SLC8A1: variants seen among roughly 807,000 people sequenced by gnomAD.
SLC8A1 encodes solute carrier family 8 member A1, also known as sodium/calcium exchanger 1.
A neutral mutation model predicts 68.3 loss-of-function variants in SLC8A1; 18 were observed. That is an observed-to-expected ratio of 0.26 (90% CI 0.18 to 0.39). The LOEUF (loss-of-function observed/expected upper bound fraction) is 0.39. SLC8A1 is among the 10% of genes least tolerant of loss of function. The probability of loss-of-function intolerance (pLI) is 1.00; values close to 1 mark genes in which losing one functional copy is unlikely to be tolerated. For missense variants in SLC8A1, 985 were observed against 1,156.7 expected, an observed-to-expected ratio of 0.85 and a Z score of 2.15; for synonymous variants, 475 against 415.5, an observed-to-expected ratio of 1.14 and a Z score of -1.74.
chr2:40,273,864 C>G (rs2066357351), intron 2 of SLC8A1, among the ~76,000 whole-genome samples: 1 of 136,700 alleles, frequency 7.3e-6, no homozygotes, highest in Non-Finnish European at 1.6e-5. Flanking sequence ...ATGCCAAGTC[C>G]TTTTTTTTTT....
intron 2 of SLC8A1, among the ~76,000 whole-genome samples, chr2:40,269,567 C>T (rs906549806): frequency 6.6e-6 from 1 of 152,090 alleles, no homozygotes; most frequent in South Asian, 2.1e-4. Context: ...CTGAAGATTA[C>T]ATAGGATGGA....
intron 2 of SLC8A1, among the ~76,000 whole-genome samples, chr2:40,326,932 T>C (rs2075891690): frequency 6.6e-6 from 1 of 152,144 alleles, no homozygotes; most frequent in South Asian, 2.1e-4. Flanking sequence ...TTAGTAGAAA[T>C]TGCTAATGGT....
intron 1 of SLC8A1, among the ~76,000 whole-genome samples, chr2:40,471,748 C>T (rs1431607385): frequency 6.6e-6 from 1 of 152,116 alleles, no homozygotes; most frequent in Non-Finnish European, 1.5e-5. Flanking sequence ...TAAATGGAAA[C>T]AAATTTTTTG....
chr2:40,212,281 A>ATGTTTGT (rs371395367), intron 2 of SLC8A1, among the ~76,000 whole-genome samples: 1 of 118,212 alleles, frequency 8.5e-6, no homozygotes, highest in Non-Finnish European at 1.8e-5. Flanking sequence ...GAGATGCAAT[A>ATGTTTGT]TCTTTTTTTT....
chr2:40,289,906 GA>G (rs951484613), intron 2 of SLC8A1, among the ~76,000 whole-genome samples: 34 of 151,302 alleles, frequency 2.2e-4, no homozygotes, highest in African/African-American at 6.4e-4. Flanking sequence ...AAATAAGGAG[GA>G]AAAAATGATG....
chr2:40,239,265 C>G (rs2060878980), intron 2 of SLC8A1, among the ~76,000 whole-genome samples: 1 of 152,008 alleles, frequency 6.6e-6, no homozygotes. Flanking sequence ...TTAATATTGC[C>G]CAATCACTAC....
chr2:40,242,715 T>C (rs2061379590), intron 2 of SLC8A1, among the ~76,000 whole-genome samples: 1 of 152,202 alleles, frequency 6.6e-6, no homozygotes, highest in African/African-American at 2.4e-5. Flanking sequence ...TTTTAAAATA[T>C]GGTATCTATA....
chr2:40,505,213 G>A (rs2149940785), intron 1 of SLC8A1, among the ~76,000 whole-genome samples: 1 of 152,006 alleles, frequency 6.6e-6, no homozygotes, highest in East Asian at 1.9e-4. Flanking sequence ...GTAGTTAGGG[G>A]ATGTGGGGAA....
At chr2:40,498,224 A>G (rs1705836492) in intron 1 of SLC8A1, among the ~76,000 whole-genome samples, 1 of 152,120 alleles carries the variant, frequency 6.6e-6, no homozygotes, top group Non-Finnish European at 1.5e-5. Context: ...ACAGTTGCAT[A>G]TATTGGTTGG....
chr2:40,235,288 G>A lies in SLC8A1; in HGVS notation c.1809-57433C>T, dbSNP rs74385059. On this transcript the variant is annotated intron_variant, in intron 2 of 7. Transcript: ENST00000406785. ...GCCACAATTTCAGATCCTGTTGTTG[G>A]TCTATTCAGAGATTCAACTTCTTCC... Among the ~76,000 whole-genome samples the A allele has an allele frequency of 4.0e-3, 610 of 152,174 alleles. 3 individuals carry two copies. Among genetic ancestry groups the A allele is most frequent in the Middle Eastern group, 0.024 (7 of 294 alleles).
rs79899125 is a variant in SLC8A1, at chr2:40,374,849, T to C, written c.1808+53624A>G. On this transcript the variant is annotated intron_variant, in intron 2 of 7. Transcript: ENST00000406785. ...AGATGACATATGTTTAAGGACTTTTTTTAAGAATTGAGACACTGAAAATAC... is the reference window on the plus strand; with the variant it reads ...AGATGACATATGTTTAAGGACTTTTCTTAAGAATTGAGACACTGAAAATAC... Among the ~76,000 whole-genome samples, 34 of 152,202 alleles carry C rather than the reference T, an allele frequency of 2.2e-4. No homozygotes were observed. The South Asian group carries it at 6.2e-3, about 28-fold the overall frequency.
chr2:40,324,030 G>A (rs563160571), intron 2 of SLC8A1, among the ~76,000 whole-genome samples: 118 of 140,042 alleles, frequency 8.4e-4, no homozygotes, highest in Non-Finnish European at 1.6e-3. Context: ...GTTAAAGGTG[G>A]GGGGGGGGCT....
At chr2:40,490,004 T>C (rs571790545) in intron 1 of SLC8A1, among the ~76,000 whole-genome samples, 1 of 152,258 alleles carries the variant, frequency 6.6e-6, no homozygotes, top group Admixed American at 6.6e-5. Flanking sequence ...TCACTAAATC[T>C]GTGTTAAACA....
intron 1 of SLC8A1, among the ~76,000 whole-genome samples, chr2:40,485,142 AG>A (rs1176210290): frequency 5.3e-5 from 8 of 152,106 alleles, no homozygotes; most frequent in Non-Finnish European, 1.0e-4. Flanking sequence ...AGAAGCAGGC[AG>A]GCAAGGAGAG....
intron 2 of SLC8A1, among the ~76,000 whole-genome samples, chr2:40,363,321 A>G (rs763055058): frequency 4.7e-5 from 7 of 147,944 alleles, no homozygotes; most frequent in Non-Finnish European, 1.0e-4. Context: ...AGTGGTTTCT[A>G]AAAGAACCAC....
chr2:40,418,795 G>A (rs10205556), intron 2 of SLC8A1, among the ~76,000 whole-genome samples: 42,137 of 152,102 alleles, frequency 0.28, 7,087 homozygotes, highest in African/African-American at 0.47. Context: ...ATCAGAGAGG[G>A]CAGCCAAACT....
chr2:40,392,788 T>G (rs761013689), intron 2 of SLC8A1, among the ~76,000 whole-genome samples: 1 of 152,112 alleles, frequency 6.6e-6, no homozygotes, highest in Non-Finnish European at 1.5e-5. Flanking sequence ...TGGTTATGAT[T>G]TGTGGAGCAA....
At chr2:40,361,629 C>T (rs1378225961) in intron 2 of SLC8A1, among the ~76,000 whole-genome samples, 8 of 151,934 alleles carry the variant, frequency 5.3e-5, no homozygotes, top group African/African-American at 1.7e-4. Flanking sequence ...TGTAGGGTAC[C>T]TCACTGCCTA....
chr2:40,463,887 C>CATAT lies in SLC8A1; in HGVS notation c.-24-33587_-24-33584dup, dbSNP rs1553620612. Among the ~76,000 whole-genome samples the CATAT allele has an allele frequency of 8.4e-4, 91 of 108,622 alleles. 1 individual carries two copies. Among genetic ancestry groups the CATAT allele is most frequent in the East Asian group, 2.6e-3 (10 of 3,860 alleles). 71.3% of individuals were successfully genotyped at this position (108,622 alleles called of 152,430 possible). On this transcript the variant is annotated intron_variant, in intron 1 of 7. Transcript: ENST00000402441. ...ACACACACACACACACACACACACA[C>CATAT]ATATATATATAGAGAGAGAGACAGA...
Sources: allele counts gnomAD v4.1 joint callset (sites outside exome capture counted in the v4.1 genomes callset), GRCh38; gene constraint gnomAD v4.1.1; transcripts MANE v1.5; gene names NCBI Gene and HGNC (gene_info 2026-07-23, HGNC 2026-07-21).